C10orf90: variants seen among roughly 807,000 people sequenced by gnomAD.
The protein encoded by C10orf90 is chromosome 10 open reading frame 90.
Under a neutral mutation model 62.5 loss-of-function variants are expected in C10orf90, and 56 were observed. The ratio of observed to expected loss-of-function variants is 0.90; its 90% CI spans 0.72 to 1.12. The LOEUF is 1.12. Ranked by LOEUF, C10orf90 falls within the 50% of genes most tolerant of loss-of-function variation. C10orf90 has a pLI of 0.00. For synonymous variants in C10orf90, 386 were observed against 340.4 expected, an observed-to-expected ratio of 1.13 and a Z score of -1.47; for missense variants, 970 against 880.4, an observed-to-expected ratio of 1.10 and a Z score of -1.29.
chr10:126,473,280 AGTCCC>A (rs1235353688), intron 4 of C10orf90, among the ~76,000 whole-genome samples: 1 of 152,164 alleles, frequency 6.6e-6, no homozygotes, highest in African/African-American at 2.4e-5. Context: ...TGAGCCCTCA[AGTCCC>A]CACCACCTCT....
At chr10:126,521,325 T>G in intron 2 of C10orf90, 1 of 1,614,178 alleles carries the variant, frequency 6.2e-7, no homozygotes, top group African/African-American at 1.3e-5. Flanking sequence ...GAGCATATTC[T>G]ACTGAGGTTT....
At chr10:126,558,526 T>C (rs573613239) in intron 2 of C10orf90, among the ~76,000 whole-genome samples, 84 of 152,296 alleles carry the variant, frequency 5.5e-4, no homozygotes, top group African/African-American at 1.8e-3. Context: ...CCTCTGAGTA[T>C]GCTTGTTCTG....
intron 1 of C10orf90, among the ~76,000 whole-genome samples, chr10:126,648,197 C>T (rs1235574486): frequency 6.6e-5 from 10 of 151,916 alleles, no homozygotes; most frequent in Non-Finnish European, 1.2e-4. Context: ...CTTGGAATTT[C>T]TTCATTCTCC....
chr10:126,504,092 T>C lies in C10orf90; in HGVS notation c.1399A>G (p.Asn467Asp), dbSNP rs754243813. The change falls in exon 4 of 10, where the codon AAC (asparagine) becomes GAC (aspartate). Residue 467 changes from asparagine to aspartate, a missense_variant. By Grantham distance (23) the Asn-to-Asp change is conservative. Transcript: ENST00000488181. The surrounding 1 kb of genome is among the most constrained non-coding windows in gnomAD (Gnocchi z 4.1). ...CPWSGSFPLE[N>D]TELANVGANQ... ...GCTCCCACATTTGCCAATTCTGTGTTTTCCAATGGAAAAGAACCACTCCAA... is the reference window on the plus strand; with the variant it reads ...GCTCCCACATTTGCCAATTCTGTGTCTTCCAATGGAAAAGAACCACTCCAA... The C allele has an allele frequency of 1.9e-6, 3 of 1,614,168 alleles. No homozygotes were observed. The highest frequency in any genetic ancestry group is 1.1e-5 in the South Asian group (1 of 91,074).
intron 2 of C10orf90, among the ~76,000 whole-genome samples, chr10:126,536,551 T>A (rs1864242311): frequency 6.6e-6 from 1 of 151,624 alleles, no homozygotes; most frequent in African/African-American, 2.4e-5. Flanking sequence ...AGACAGGGAG[T>A]TCGACCCAGA....
chr10:126,655,683 A>G (rs1304779734), intron 1 of C10orf90, among the ~76,000 whole-genome samples: 1 of 152,178 alleles, frequency 6.6e-6, no homozygotes, highest in East Asian at 1.9e-4. Flanking sequence ...AGTCCTGAAC[A>G]GTTTGAAATA....
intron 2 of C10orf90, among the ~76,000 whole-genome samples, chr10:126,544,687 C>A (rs779514310): frequency 6.6e-6 from 1 of 152,062 alleles, no homozygotes; most frequent in Non-Finnish European, 1.5e-5. Context: ...TACGAAGCCA[C>A]CAGGCAATGC....
intron 2 of C10orf90, among the ~76,000 whole-genome samples, chr10:126,565,115 T>A (rs867151713): frequency 8.1e-5 from 3 of 36,924 alleles, no homozygotes; most frequent in African/African-American, 3.9e-4. Flanking sequence ...AAAATATATA[T>A]TATATAATAT....
chr10:126,568,430 C>T (rs1844437285), intron 2 of C10orf90, among the ~76,000 whole-genome samples: 1 of 152,162 alleles, frequency 6.6e-6, no homozygotes, highest in Admixed American at 6.5e-5. Flanking sequence ...CTCAGGTCCT[C>T]ACCATATAGC....
chr10:126,426,086 AG>A lies in C10orf90; in HGVS notation c.2256del (p.Tyr753MetfsTer18), dbSNP rs1857246961. 6.2e-7 allele frequency: 1 copy of A among 1,612,734 alleles called. No homozygotes were observed. The highest frequency in any genetic ancestry group is 1.3e-5 in the African/African-American group (1 of 74,908). The part of the protein sequence containing the change: ...EKEMHMRSKR[I>X]YDNLPEVKKK... The stretch of plus-strand genomic sequence containing the variant: ...TTTTTAACTTCCGGCAAGTTATCAT[AG>A]ATTCTGAAACAGATTCGGAAAACAT... On this transcript the variant is annotated frameshift_variant, in exon 9 of 10. Transcript: ENST00000488181. LOFTEE classifies it high-confidence loss of function.
chr10:126,633,157 G>T (rs944584319), intron 2 of C10orf90, among the ~76,000 whole-genome samples: 5 of 152,166 alleles, frequency 3.3e-5, no homozygotes, highest in African/African-American at 1.2e-4. Context: ...TGCCTGGAAG[G>T]GGGTGATGTC....
chr10:126,605,848 G>A (rs929837540), intron 2 of C10orf90, among the ~76,000 whole-genome samples: 2 of 151,078 alleles, frequency 1.3e-5, no homozygotes, highest in African/African-American at 4.9e-5. Context: ...ACTGCTAAAA[G>A]ATACAAAGGA....
chr10:126,432,496 G>A (rs914050840), intron 7 of C10orf90, among the ~76,000 whole-genome samples: 10 of 152,168 alleles, frequency 6.6e-5, no homozygotes, highest in African/African-American at 2.4e-4. Context: ...TAAAGTATCC[G>A]GCAAATGCTC....
intron 5 of C10orf90, among the ~76,000 whole-genome samples, chr10:126,462,191 T>C (rs926671313): frequency 6.6e-6 from 1 of 152,062 alleles, no homozygotes; most frequent in Non-Finnish European, 1.5e-5. Context: ...GGATTGGGGA[T>C]TAATGAGTAT....
At chr10:126,660,554 A>G (rs780808503) in intron 1 of C10orf90, among the ~76,000 whole-genome samples, 1 of 152,196 alleles carries the variant, frequency 6.6e-6, no homozygotes, top group African/African-American at 2.4e-5. Context: ...TTCTGCCAAG[A>G]ACCAGTGATC....
intron 4 of C10orf90, among the ~76,000 whole-genome samples, chr10:126,473,885 A>T (rs543452306): frequency 6.6e-6 from 1 of 152,264 alleles, no homozygotes; most frequent in Admixed American, 6.5e-5. Context: ...TTCATTTCTG[A>T]GTTCCCAAGT....
chr10:126,549,062 A>G (rs1374062543), intron 2 of C10orf90, among the ~76,000 whole-genome samples: 1 of 152,228 alleles, frequency 6.6e-6, no homozygotes, highest in East Asian at 1.9e-4. Flanking sequence ...TATTTTATAG[A>G]AGAACGATTA....
intron 4 of C10orf90, among the ~76,000 whole-genome samples, chr10:126,485,736 C>T (rs1333466451): frequency 6.6e-6 from 1 of 151,060 alleles, no homozygotes. Context: ...GTCAGGAGAT[C>T]GAGGCCATCC....
intron 2 of C10orf90, among the ~76,000 whole-genome samples, chr10:126,645,583 C>A: frequency 6.8e-6 from 1 of 147,690 alleles, no homozygotes. Flanking sequence ...GAGTGAGACC[C>A]TGCCTAAAAA....
Sources: gnomAD v4.1 joint callset for allele counts (sites outside exome capture counted in the v4.1 genomes callset) on GRCh38, gnomAD v4.1.1 for gene constraint, Gnocchi (gnomAD v3.1) non-coding constraint, MANE v1.5 for transcripts, NCBI Gene and HGNC (gene_info 2026-07-23, HGNC 2026-07-21) for gene names.